Variants in FOXK2 observed in about 807,000 individuals in gnomAD.
FOXK2 encodes forkhead box K2.
A neutral mutation model predicts 53.3 loss-of-function variants in FOXK2; 24 were observed. The observed-to-expected ratio is 0.45, with a 90% CI of 0.33 to 0.63. The LOEUF is 0.63. FOXK2 is among the 30% of genes least tolerant of loss of function. FOXK2 has a pLI of 0.03. For missense variants in FOXK2, 952 were observed against 910.5 expected, an observed-to-expected ratio of 1.05 and a Z score of -0.59; for synonymous variants, 505 against 407.1, an observed-to-expected ratio of 1.24 and a Z score of -2.89.
chr17:82,543,975 A>C (rs1288808471), intron 1 of FOXK2, among the ~76,000 whole-genome samples: 1 of 151,878 alleles, frequency 6.6e-6, no homozygotes, highest in Non-Finnish European at 1.5e-5. Flanking sequence ...ATGGGGTTTC[A>C]CTGTGTTAGC....
chr17:82,601,118 TG>T, intron 8 of FOXK2, 184 bp from the exon 9 acceptor site: 1 of 617,474 alleles, frequency 1.6e-6, no homozygotes, highest in Non-Finnish European at 2.7e-6. Flanking sequence ...TTGGCCACCG[TG>T]GGCCAGTCCC....
In FOXK2 at chr17:82,584,090, C is replaced by G; in HGVS notation, c.1181C>G (p.Ser394Trp). 1 of 1,611,756 alleles carries G rather than the reference C, an allele frequency of 6.2e-7. No homozygotes were observed. The highest frequency in any genetic ancestry group is 8.5e-7 in the Non-Finnish European group (1 of 1,179,888). Residue 394 changes from serine (S) to tryptophan (W), a missense_variant, in exon 6 of 9, where the codon TCG becomes TGG. Coordinates refer to ENST00000335255, the MANE Select transcript of FOXK2 (RefSeq NM_004514.4). ...GGCGCCCAGACCCCTGAGAGCCTGTCGAGGGAAGGTTCGCCGGCCCCCCTG... is the reference window on the plus strand; with the variant it reads ...GGCGCCCAGACCCCTGAGAGCCTGTGGAGGGAAGGTTCGCCGGCCCCCCTG... ...SSGAQTPESL[S>W]REGSPAPLEP...
chr17:82,557,940 A>G (rs1349019876), intron 1 of FOXK2, among the ~76,000 whole-genome samples: 15 of 152,186 alleles, frequency 9.9e-5, no homozygotes, highest in African/African-American at 3.1e-4. Flanking sequence ...GGTGTGAGCA[A>G]CCGCGTCTGG....
intron 1 of FOXK2, among the ~76,000 whole-genome samples, chr17:82,560,742 A>G (rs556497827): frequency 6.6e-6 from 1 of 152,294 alleles, no homozygotes; most frequent in South Asian, 2.1e-4. Flanking sequence ...TCACGCCTGT[A>G]ATTTCAGCAC....
chr17:82,568,554 A>G (rs1474165438), intron 3 of FOXK2, among the ~76,000 whole-genome samples: 2 of 152,152 alleles, frequency 1.3e-5, no homozygotes, highest in African/African-American at 4.8e-5. Context: ...AGGTTATGCA[A>G]ATGCACACCC....
chr17:82,536,708 G>A (rs1388645096), intron 1 of FOXK2, among the ~76,000 whole-genome samples: 1 of 152,206 alleles, frequency 6.6e-6, no homozygotes, highest in East Asian at 1.9e-4. Flanking sequence ...TCTTCGCAGA[G>A]GGGGCCTTTT....
chr17:82,548,217 C>T (rs1428100686), intron 1 of FOXK2, among the ~76,000 whole-genome samples: 2 of 152,208 alleles, frequency 1.3e-5, no homozygotes, highest in African/African-American at 4.8e-5. Flanking sequence ...CCCACTTTTC[C>T]AGAGCAGTTG....
At chr17:82,535,641 A>C (rs1441626101) in intron 1 of FOXK2, among the ~76,000 whole-genome samples, 3 of 152,054 alleles carry the variant, frequency 2.0e-5, no homozygotes, top group Non-Finnish European at 4.4e-5. Context: ...GTACCTTTTA[A>C]AAGCTCCAGG....
chr17:82,531,151 A>T (rs1425296160), intron 1 of FOXK2, among the ~76,000 whole-genome samples: 1 of 152,102 alleles, frequency 6.6e-6, no homozygotes, highest in East Asian at 1.9e-4. Flanking sequence ...GGGCTGATTC[A>T]TCTTTACATT....
chr17:82,571,320 G>A (rs1174465405), intron 3 of FOXK2, among the ~76,000 whole-genome samples: 1 of 152,064 alleles, frequency 6.6e-6, no homozygotes, highest in East Asian at 1.9e-4. Context: ...GAGGTATCAG[G>A]CTGGGCGCAG....
At chr17:82,530,511 T>G (rs1303271519) in intron 1 of FOXK2, among the ~76,000 whole-genome samples, 9 of 68,728 alleles carry the variant, frequency 1.3e-4, no homozygotes, top group Non-Finnish European at 2.4e-4. Flanking sequence ...TACTGATGTG[T>G]TTTTTTTTTT....
chr17:82,524,729 G>C (rs2044400058), intron 1 of FOXK2, among the ~76,000 whole-genome samples: 2 of 152,234 alleles, frequency 1.3e-5, no homozygotes, highest in South Asian at 4.1e-4. Context: ...CTGAGGCGCA[G>C]GTGTTCCTGG....
intron 8 of FOXK2, chr17:82,600,380 G>A (rs2045370094): frequency 1.3e-5 from 2 of 152,320 alleles, no homozygotes; most frequent in South Asian, 4.1e-4. Context: ...GAAAGAGTCA[G>A]TGCTGGATTC....
chr17:82,535,220 G>A (rs1018159519), intron 1 of FOXK2, among the ~76,000 whole-genome samples: 1 of 152,206 alleles, frequency 6.6e-6, no homozygotes, highest in African/African-American at 2.4e-5. Context: ...GCTGTTAACA[G>A]TTATCCAGTC....
intron 8 of FOXK2, among the ~76,000 whole-genome samples, chr17:82,590,918 C>G (rs749489050): frequency 2.0e-5 from 3 of 152,112 alleles, no homozygotes; most frequent in African/African-American, 7.2e-5. Flanking sequence ...AGCAGATAGG[C>G]CGAGGCTGGG....
chr17:82,538,609 G>A (rs950655740), intron 1 of FOXK2, among the ~76,000 whole-genome samples: 5 of 152,240 alleles, frequency 3.3e-5, no homozygotes, highest in Admixed American at 1.3e-4. Flanking sequence ...CACAGGAGCC[G>A]CATGGGGTTT....
At chr17:82,542,166 CTTTTT>C (rs750005460) in intron 1 of FOXK2, among the ~76,000 whole-genome samples, 2 of 115,660 alleles carry the variant, frequency 1.7e-5, no homozygotes, top group Non-Finnish European at 1.8e-5. Flanking sequence ...TTTCTTCTTT[CTTTTT>C]TTTTTTTTTG....
At chr17:82,583,641 C>CTAATACTG (rs1432524521) in intron 5 of FOXK2, among the ~76,000 whole-genome samples, 3 of 127,182 alleles carry the variant, frequency 2.4e-5, no homozygotes, top group African/African-American at 9.3e-5. Flanking sequence ...TTTAGCTTCA[C>CTAATACTG]TAATACTGTT....
chr17:82,557,321 C>T (rs780157532), intron 1 of FOXK2, among the ~76,000 whole-genome samples: 23 of 151,660 alleles, frequency 1.5e-4, no homozygotes, highest in Non-Finnish European at 3.1e-4. Context: ...CGTGAGCCAC[C>T]GTGCCTGGCC....
Sources: gnomAD v4.1 joint callset for allele counts (sites outside exome capture counted in the v4.1 genomes callset) on GRCh38, gnomAD v4.1.1 for gene constraint, MANE v1.5 for transcripts, NCBI Gene and HGNC (gene_info 2026-07-23, HGNC 2026-07-21) for gene names.